The following C12orf42 variants were observed in gnomAD, a reference collection of about 807,000 sequenced individuals.
C12orf42 encodes chromosome 12 open reading frame 42, also known as uncharacterized protein C12orf42.
Under a neutral mutation model 21.6 loss-of-function variants are expected in C12orf42, and 25 were observed. That is an observed-to-expected ratio of 1.16 (90% CI 0.84 to 1.62). The LOEUF (loss-of-function observed/expected upper bound fraction) is 1.62. Ranked by LOEUF, C12orf42 falls within the 40% of genes most tolerant of loss-of-function variation. The pLI is 0.00. For synonymous variants in C12orf42, 174 were observed against 175.0 expected (o/e 0.99, Z 0.05); for missense variants, 483 against 459.3 (o/e 1.05, Z -0.47).
At chr12:103,348,741 G>A (rs2042848759) in intron 4 of C12orf42, among the ~76,000 whole-genome samples, 1 of 152,022 alleles carries the variant, frequency 6.6e-6, no homozygotes, top group South Asian at 2.1e-4. Flanking sequence ...GAAAAGAACA[G>A]GATAAAATGA....
the C12orf42 span, among the ~76,000 whole-genome samples, chr12:103,087,661 A>G: frequency 6.6e-6 from 1 of 152,252 alleles, no homozygotes; most frequent in East Asian, 1.9e-4. Context: ...CGAAATTAAA[A>G]TCTTTCAATT....
chr12:103,556,438 A>AAATAT, the C12orf42 span, among the ~76,000 whole-genome samples: 2 of 152,178 alleles, frequency 1.3e-5, no homozygotes, highest in East Asian at 3.9e-4. Context: ...CATGTCAGCA[A>AAATAT]AATAATTCTT....
At chr12:103,101,824 C>T in the C12orf42 span, among the ~76,000 whole-genome samples, 2 of 152,264 alleles carry the variant, frequency 1.3e-5, no homozygotes, top group East Asian at 1.9e-4. Flanking sequence ...TGGATTTACT[C>T]GTGTGTCTGT....
At chr12:103,401,755 T>G in intron 2 of C12orf42, 80 bp from the exon 3 acceptor site, 1 of 1,338,964 alleles carries the variant, frequency 7.5e-7, no homozygotes, top group East Asian at 2.3e-5. Context: ...AGATGGTTTT[T>G]AGGCAGATCA....
chr12:103,104,712 C>T, the C12orf42 span, among the ~76,000 whole-genome samples: 4 of 152,334 alleles, frequency 2.6e-5, no homozygotes, highest in South Asian at 8.3e-4. Flanking sequence ...GCATTACAGG[C>T]GTGAGCCACC....
At chr12:103,393,764 C>T (rs544371995) in intron 3 of C12orf42, among the ~76,000 whole-genome samples, 1 of 152,162 alleles carries the variant, frequency 6.6e-6, no homozygotes, top group Non-Finnish European at 1.5e-5. Context: ...ACACCTAATA[C>T]TTATTAATTT....
At chr12:103,556,238 G>A in the C12orf42 span, among the ~76,000 whole-genome samples, 2 of 152,164 alleles carry the variant, frequency 1.3e-5, no homozygotes, top group African/African-American at 4.8e-5. Context: ...TCTGAAAATG[G>A]AGATATTCAT....
chr12:103,118,714 T>C, the C12orf42 span, among the ~76,000 whole-genome samples: 4 of 126,008 alleles, frequency 3.2e-5, no homozygotes, highest in South Asian at 2.5e-4. Flanking sequence ...AGGAGAATGG[T>C]GTGAGCCCGG....
downstream of C12orf42, among the ~76,000 whole-genome samples, chr12:103,234,246 G>A (rs560184067): frequency 6.6e-6 from 1 of 151,926 alleles, no homozygotes; most frequent in African/African-American, 2.4e-5. Flanking sequence ...TATATGATAT[G>A]GTCCATCTAT....
At chr12:103,421,569 G>C (rs1408112006) in intron 2 of C12orf42, among the ~76,000 whole-genome samples, 1 of 144,996 alleles carries the variant, frequency 6.9e-6, no homozygotes, top group Non-Finnish European at 1.5e-5. Context: ...GCAAGACCTT[G>C]TCAATAAATA....
intron 2 of C12orf42, among the ~76,000 whole-genome samples, chr12:103,461,905 A>T (rs1952727963): frequency 6.6e-6 from 1 of 151,996 alleles, no homozygotes; most frequent in Non-Finnish European, 1.5e-5. Context: ...TGTAAGTTGC[A>T]AAGTGCTATG....
chr12:103,489,116 T>C (rs1955023378), intron 1 of C12orf42, among the ~76,000 whole-genome samples: 1 of 152,252 alleles, frequency 6.6e-6, no homozygotes, highest in Non-Finnish European at 1.5e-5. Flanking sequence ...GTTGGTGTCC[T>C]ACAGATGGGC....
chr12:103,287,196 A>C (rs1295398389), intron 4 of C12orf42, among the ~76,000 whole-genome samples: 1 of 152,230 alleles, frequency 6.6e-6, no homozygotes, highest in East Asian at 1.9e-4. Flanking sequence ...CAGCCATCCC[A>C]TTACTGGGTA....
At chr12:103,167,762 CTTT>C in the C12orf42 span, among the ~76,000 whole-genome samples, 1 of 151,318 alleles carries the variant, frequency 6.6e-6, no homozygotes, top group Non-Finnish European at 1.5e-5. Context: ...TCTTGAGAAA[CTTT>C]TAGAGTTATG....
intron 2 of C12orf42, among the ~76,000 whole-genome samples, chr12:103,437,333 C>T (rs1161005159): frequency 6.6e-6 from 1 of 151,898 alleles, no homozygotes; most frequent in African/African-American, 2.4e-5. Context: ...CCTAACATCA[C>T]AATTAAAAGA....
chr12:103,366,560 A>G (rs1179686185), intron 4 of C12orf42, among the ~76,000 whole-genome samples: 3 of 152,140 alleles, frequency 2.0e-5, no homozygotes, highest in Non-Finnish European at 4.4e-5. Context: ...TTCACAATCT[A>G]TACATCTGAG....
intron 2 of C12orf42, among the ~76,000 whole-genome samples, chr12:103,477,371 G>A (rs953076306): frequency 6.6e-6 from 1 of 152,088 alleles, no homozygotes; most frequent in Non-Finnish European, 1.5e-5. Context: ...AGGGTGGGTG[G>A]TAATGTGGCC....
At chr12:103,322,999 C>A (rs551913598) in intron 4 of C12orf42, among the ~76,000 whole-genome samples, 1 of 152,278 alleles carries the variant, frequency 6.6e-6, no homozygotes, top group South Asian at 2.1e-4. Flanking sequence ...TTGTTCCATT[C>A]TGCAGATGAT....
chr12:103,355,286 T>C (rs1429063893), intron 4 of C12orf42, among the ~76,000 whole-genome samples: 1 of 152,114 alleles, frequency 6.6e-6, no homozygotes, highest in Non-Finnish European at 1.5e-5. Context: ...TATGGATCTC[T>C]GAAGAGCGTG....
Sources: gnomAD v4.1 joint callset for allele counts (sites outside exome capture counted in the v4.1 genomes callset) on GRCh38, gnomAD v4.1.1 for gene constraint, MANE v1.5 for transcripts, NCBI Gene and HGNC (gene_info 2026-07-23, HGNC 2026-07-21) for gene names.